Variants in CNTLN observed in about 807,000 individuals in gnomAD.
CNTLN encodes the protein centlein, centrosomal protein.
CNTLN carries 212 observed loss-of-function variants against 180.0 expected under a neutral mutation model. The observed-to-expected ratio is 1.18, with a 90% CI of 1.05 to 1.32. The LOEUF is 1.32. Ranked by LOEUF, CNTLN falls within the 40% of genes most tolerant of loss-of-function variation. The pLI is 0.00. For missense variants in CNTLN, 2,095 were observed against 1,610.9 expected (o/e 1.30, Z -5.14); for synonymous variants, 722 against 563.1 (o/e 1.28, Z -3.99).
intron 5 of CNTLN, among the ~76,000 whole-genome samples, chr9:17,261,156 T>C (rs1826943298): frequency 6.6e-6 from 1 of 151,418 alleles, no homozygotes; most frequent in African/African-American, 2.4e-5. Context: ...CTTTGTCTAA[T>C]TGGGCTTTTT....
chr9:17,213,402 T>C (rs1372560325), intron 2 of CNTLN, among the ~76,000 whole-genome samples: 1 of 152,248 alleles, frequency 6.6e-6, no homozygotes, highest in African/African-American at 2.4e-5. Flanking sequence ...CTAGTTTGAT[T>C]GCACTGTGGT....
intron 15 of CNTLN, among the ~76,000 whole-genome samples, chr9:17,398,521 G>A (rs1471500006): frequency 6.6e-6 from 1 of 152,228 alleles, no homozygotes; most frequent in East Asian, 1.9e-4. Flanking sequence ...TTCTGGGATA[G>A]TATGAAACAT....
intron 13 of CNTLN, among the ~76,000 whole-genome samples, chr9:17,375,093 A>G (rs1195778773): frequency 6.6e-6 from 1 of 152,230 alleles, no homozygotes; most frequent in Non-Finnish European, 1.5e-5. Flanking sequence ...CAGCCATAAA[A>G]GAATTGAAAT....
rs1828229620 is a variant in CNTLN at position 17,416,166 on chromosome 9, C to G, written c.3091C>G (p.Gln1031Glu). The G allele has an allele frequency of 6.2e-7, 1 of 1,612,988 alleles. No homozygotes were observed. The highest frequency in any genetic ancestry group is 8.5e-7 in the Non-Finnish European group (1 of 1,179,564). The change falls in exon 18 of 26, where the codon CAG (glutamine) becomes GAG (glutamate). Residue 1031 changes from glutamine (Q) to glutamate (E), a missense_variant. Transcript: ENST00000380647. Reference protein sequence around the residue: ...HQQQVSDQRFQTSRQTIKKLN... With the variant: ...HQQQVSDQRFETSRQTIKKLN... Reference sequence around the variant, plus strand: ...ACAGCAAGTATCCGATCAACGATTTCAGACAAGCAGGCAGACAATAAAGGT... The same window carrying G: ...ACAGCAAGTATCCGATCAACGATTTGAGACAAGCAGGCAGACAATAAAGGT...
chr9:17,295,983 A>AGAGAGAGAGAGC (rs1817880574), intron 6 of CNTLN, among the ~76,000 whole-genome samples: 1 of 98,410 alleles, frequency 1.0e-5, no homozygotes, highest in African/African-American at 5.2e-5. Flanking sequence ...AGAGAGAGAG[A>AGAGAGAGAGAGC]GAGAGAGAGA....
At chr9:17,426,791 G>A (rs1263639778) in intron 18 of CNTLN, among the ~76,000 whole-genome samples, 1 of 151,960 alleles carries the variant, frequency 6.6e-6, no homozygotes, top group Non-Finnish European at 1.5e-5. Flanking sequence ...TTGCAGCTCA[G>A]CAAATTAAAA....
chr9:17,149,678 T>C (rs965457800), intron 2 of CNTLN, among the ~76,000 whole-genome samples: 8 of 151,782 alleles, frequency 5.3e-5, no homozygotes, highest in Non-Finnish European at 1.2e-4. Flanking sequence ...CCACCATGCC[T>C]GGCTAATTTT....
chr9:17,390,172 C>T (rs10116093), intron 14 of CNTLN, among the ~76,000 whole-genome samples: 74,618 of 149,880 alleles, frequency 0.5, 19,744 homozygotes, highest in Non-Finnish European at 0.59. Context: ...ACCTAGCAAA[C>T]TAATACACAC....
chr9:17,346,260 C>T (rs534618932), intron 12 of CNTLN, among the ~76,000 whole-genome samples: 1 of 152,070 alleles, frequency 6.6e-6, no homozygotes, highest in African/African-American at 2.4e-5. Flanking sequence ...CATGAGATCT[C>T]ACTAGCATGA....
intron 16 of CNTLN, 82 bp downstream of exon 16, chr9:17,409,555 C>T (rs1257465460): frequency 9.8e-7 from 1 of 1,023,706 alleles, no homozygotes; most frequent in Admixed American, 2.7e-5. Context: ...ATAAATGTTA[C>T]TACTGATTTA....
In CNTLN at chr9:17,448,981, T is replaced by G. The variant is rs146897372; in HGVS notation, c.3115-8543T>G. On this transcript the variant is annotated intron_variant, in intron 18 of 25. Coordinates refer to ENST00000380647, the MANE Select transcript of CNTLN (RefSeq NM_017738.4). ...TTTAGGACATCAAATAGCGCTACCA[T>G]CCTCTTTCTTTCCTATTGAGGAAAG... is the stretch of plus-strand genomic sequence containing the variant. Among the ~76,000 whole-genome samples, 195 of 152,266 alleles carry G rather than the reference T, an allele frequency of 1.3e-3. 2 individuals are homozygous for G. The highest frequency in any genetic ancestry group is 4.6e-3 in the African/African-American group (192 of 41,562).
chr9:17,142,289 G>T (rs1367930329), intron 1 of CNTLN, among the ~76,000 whole-genome samples: 2 of 152,008 alleles, frequency 1.3e-5, no homozygotes, highest in Non-Finnish European at 2.9e-5. Context: ...GTTAGTGTTA[G>T]TGTATTTTAT....
intron 15 of CNTLN, among the ~76,000 whole-genome samples, chr9:17,402,283 A>G (rs1045271710): frequency 2.6e-5 from 4 of 151,884 alleles, no homozygotes; most frequent in South Asian, 4.1e-4. Flanking sequence ...AGCATCTACA[A>G]TAGAATTAGT....
intron 2 of CNTLN, chr9:17,166,965 C>T (rs1267132877): frequency 2.4e-6 from 1 of 423,952 alleles, no homozygotes; most frequent in Non-Finnish European, 4.7e-6. Context: ...GACTTGGTAG[C>T]AGTAGTTCTC....
At chr9:17,505,096 T>C (rs995868853), downstream of CNTLN, among the ~76,000 whole-genome samples, 2 of 151,642 alleles carry the variant, frequency 1.3e-5, no homozygotes, top group Admixed American at 1.3e-4. Flanking sequence ...AATCATAAAA[T>C]TTGATATAGA....
chr9:17,172,437 T>C (rs1453681795), intron 2 of CNTLN, among the ~76,000 whole-genome samples: 2 of 152,122 alleles, frequency 1.3e-5, no homozygotes, highest in African/African-American at 4.8e-5. Flanking sequence ...TGTGCAGTTA[T>C]TCACCAATTT....
intron 18 of CNTLN, among the ~76,000 whole-genome samples, chr9:17,454,257 T>A (rs1012998252): frequency 4.6e-5 from 7 of 152,206 alleles, no homozygotes; most frequent in African/African-American, 1.7e-4. Flanking sequence ...AGTTTAAAAA[T>A]TTTATAGTGT....
chr9:17,353,341 A>C (rs140858048), intron 12 of CNTLN, among the ~76,000 whole-genome samples: 2 of 127,016 alleles, frequency 1.6e-5, no homozygotes, highest in Admixed American at 1.7e-4. Flanking sequence ...TTTGCCGTCT[A>C]TGAGGGTTCT....
intron 13 of CNTLN, among the ~76,000 whole-genome samples, chr9:17,368,948 A>T (rs571315257): frequency 4.2e-4 from 64 of 152,196 alleles, no homozygotes; most frequent in Non-Finnish European, 8.4e-4. Context: ...CTGCAAAGAC[A>T]AAAATAAATA....
Sources: gnomAD v4.1 joint callset for allele counts (sites outside exome capture counted in the v4.1 genomes callset) on GRCh38, gnomAD v4.1.1 for gene constraint, MANE v1.5 for transcripts, NCBI Gene and HGNC (gene_info 2026-07-23, HGNC 2026-07-21) for gene names.